The following ECT2L variants were observed in gnomAD, a reference collection of about 807,000 sequenced individuals.
ECT2L encodes epithelial cell transforming 2 like.
In ECT2L, 126 loss-of-function variants were observed where a neutral mutation model predicts 122.8. That is an observed-to-expected ratio of 1.03 (90% CI 0.89 to 1.19). The LOEUF is 1.19. Ranked by LOEUF, ECT2L falls within the 50% of genes most tolerant of loss-of-function variation. The pLI is 0.00. For missense variants in ECT2L, 1,012 were observed against 1,064.1 expected, an observed-to-expected ratio of 0.95 and a Z score of 0.68; for synonymous variants, 385 against 381.8, an observed-to-expected ratio of 1.01 and a Z score of -0.10.
Position 138,902,657 on chromosome 6 carries a change from A to G in ECT2L, c.*30A>G. 3.1e-6 allele frequency: 5 copies of G among 1,611,766 alleles called. No individual in the cohort carries two copies. Among genetic ancestry groups the G allele is most frequent in the Non-Finnish European group, 4.2e-6 (5 of 1,178,980 alleles). ...GAACTTGAAAACTTCAGGGGTGCCA[A>G]TTCTCCCCAGCAAAGACAGACAACA... On this transcript the variant is annotated 3_prime_UTR_variant, in exon 22 of 22. Transcript: ENST00000541398.
At chr6:138,829,732 T>C (rs1776583550) in intron 4 of ECT2L, among the ~76,000 whole-genome samples, 2 of 98,400 alleles carry the variant, frequency 2.0e-5, no homozygotes, top group African/African-American at 7.6e-5. Flanking sequence ...TTTTTTTTCC[T>C]TTTTTTTTGA....
chr6:138,835,879 T>C (rs893317487), intron 4 of ECT2L, among the ~76,000 whole-genome samples: 7 of 152,364 alleles, frequency 4.6e-5, no homozygotes, highest in African/African-American at 1.7e-4. Flanking sequence ...TTAGTTTCCA[T>C]GTCTCTAGAT....
At chr6:138,897,860 C>T (rs1433228275) in intron 20 of ECT2L, among the ~76,000 whole-genome samples, 2 of 152,158 alleles carry the variant, frequency 1.3e-5, no homozygotes, top group Non-Finnish European at 2.9e-5. Context: ...TTTCATTCAC[C>T]TCTAATATCG....
At chr6:138,801,739 AGCGAGACTCT>A (rs1316850118) in intron 1 of ECT2L, among the ~76,000 whole-genome samples, 1 of 152,194 alleles carries the variant, frequency 6.6e-6, no homozygotes, top group Non-Finnish European at 1.5e-5. Flanking sequence ...TGGGTGACAG[AGCGAGACTCT>A]GTCTCAAAAA....
At chr6:138,852,135 C>T (rs1777471043) in intron 9 of ECT2L, among the ~76,000 whole-genome samples, 1 of 152,172 alleles carries the variant, frequency 6.6e-6, no homozygotes, top group South Asian at 2.1e-4. Context: ...AAAAAATTAG[C>T]TGGGCGTGGT....
chr6:138,821,633 G>T (rs1368265310), intron 4 of ECT2L, among the ~76,000 whole-genome samples: 1 of 152,134 alleles, frequency 6.6e-6, no homozygotes, highest in African/African-American at 2.4e-5. Context: ...CCTACATAAG[G>T]GTAAGTAAAT....
chr6:138,849,243 C>A, intron 8 of ECT2L, 26 bp from the exon 9 acceptor site: 1 of 1,576,294 alleles, frequency 6.3e-7, no homozygotes, highest in South Asian at 1.2e-5. Flanking sequence ...GGTCTTGGCT[C>A]TTACAGCTTT....
chr6:138,885,787 C>T lies in ECT2L; in HGVS notation c.2216C>T (p.Thr739Ile). The change falls in exon 18 of 22, where the codon ACT becomes ATT. Residue 739 changes from threonine to isoleucine, a missense_variant. Physicochemically the swap from Thr to Ile is moderately conservative, Grantham distance 89 (BLOSUM62 -1). Coordinates refer to ENST00000541398, the MANE Select transcript of ECT2L (RefSeq NM_001077706.3). The stretch of plus-strand genomic sequence containing the variant: ...CATGTTGACCGTGGGGACTTGACCA[C>T]TGCAATTGACCAAATCAAAAAATAT... ...AEHVDRGDLT[T>I]AIDQIKKYKG... The T allele has an allele frequency of 1.2e-6, 2 of 1,614,198 alleles. No individual in the cohort carries two copies. Among genetic ancestry groups the T allele is most frequent in the Middle Eastern group, 1.7e-4 (1 of 6,060 alleles).
In ECT2L at chr6:138,809,093, G is replaced by A. The variant is rs939144308; in HGVS notation, c.-243-3745G>A. On this transcript the variant is annotated intron_variant, in intron 1 of 21. Transcript: ENST00000541398. ...TTTATCACGTTGGAAAGACCCTCCA[G>A]AACAATGTTAAACAAAGATAGTGGT... 7.8e-4 allele frequency among the ~76,000 whole-genome samples: 118 copies of A among 152,238 alleles called. 1 individual carries two copies. Among genetic ancestry groups the A allele is most frequent in the African/African-American group, 2.7e-3 (114 of 41,540 alleles).
chr6:138,892,357 A>G (rs1339313124), intron 20 of ECT2L, among the ~76,000 whole-genome samples: 1 of 152,106 alleles, frequency 6.6e-6, no homozygotes, highest in African/African-American at 2.4e-5. Context: ...CACGTTGTCT[A>G]CTTTTTCCAT....
At chr6:138,864,623 C>T (rs930210420) in intron 11 of ECT2L, among the ~76,000 whole-genome samples, 1 of 152,168 alleles carries the variant, frequency 6.6e-6, no homozygotes, top group Non-Finnish European at 1.5e-5. Flanking sequence ...GATGGGGAAG[C>T]CGTGTAGCGT....
chr6:138,801,678 C>A (rs894989122), intron 1 of ECT2L, among the ~76,000 whole-genome samples: 1 of 152,066 alleles, frequency 6.6e-6, no homozygotes, highest in Admixed American at 6.6e-5. Flanking sequence ...TTGCTTGAAC[C>A]AGGGAGGTGG....
intron 8 of ECT2L, among the ~76,000 whole-genome samples, chr6:138,847,958 C>T (rs985946565): frequency 6.6e-6 from 1 of 152,158 alleles, no homozygotes; most frequent in Non-Finnish European, 1.5e-5. Flanking sequence ...AGGAAACTTA[C>T]AGTCATGGCA....
chr6:138,826,690 T>C (rs1583562500), intron 4 of ECT2L, among the ~76,000 whole-genome samples: 1 of 151,990 alleles, frequency 6.6e-6, no homozygotes, highest in East Asian at 1.9e-4. Context: ...ACTACACTGA[T>C]TGAGTTTGGA....
At chr6:138,839,472 T>C (rs2128387589) in intron 5 of ECT2L, among the ~76,000 whole-genome samples, 1 of 151,960 alleles carries the variant, frequency 6.6e-6, no homozygotes, top group African/African-American at 2.4e-5. Flanking sequence ...CAAGAGATCC[T>C]CTCACCTCAA....
At chr6:138,822,025 T>C (rs904224907) in intron 4 of ECT2L, among the ~76,000 whole-genome samples, 4 of 152,286 alleles carry the variant, frequency 2.6e-5, no homozygotes, top group African/African-American at 9.6e-5. Context: ...AGAAGATCAG[T>C]CTGTGCTGCT....
At chr6:138,803,193 C>T (rs1775602608) in intron 1 of ECT2L, among the ~76,000 whole-genome samples, 1 of 151,804 alleles carries the variant, frequency 6.6e-6, no homozygotes, top group Admixed American at 6.6e-5. Context: ...AAATTTGAGG[C>T]TGCAGTAACC....
rs758963265 is a variant in ECT2L, at chr6:138,868,172, C to A, written c.1544C>A (p.Ala515Glu). The A allele has an allele frequency of 1.2e-6, 2 of 1,613,646 alleles. No individual in the cohort carries two copies. The highest frequency in any genetic ancestry group is 1.7e-6 in the Non-Finnish European group (2 of 1,179,754). Residue 515 changes from alanine (A) to glutamate (E), a missense_variant, in exon 13 of 22, where the codon GCA becomes GAA. Ala to Glu is a moderately radical substitution (Grantham distance 107). Coordinates refer to ENST00000541398, the MANE Select transcript of ECT2L (RefSeq NM_001077706.3). ...LNNQDTAQALADGLMELSKED... is the reference protein window; with the variant it reads ...LNNQDTAQALEDGLMELSKED... ...AACCAAGATACTGCGCAAGCTCTGGCAGATGGATTGATGGAGTTGTCAAAA... is the reference window on the plus strand; with the variant it reads ...AACCAAGATACTGCGCAAGCTCTGGAAGATGGATTGATGGAGTTGTCAAAA...
intron 16 of ECT2L, among the ~76,000 whole-genome samples, chr6:138,884,309 G>A (rs899297969): frequency 1.1e-4 from 17 of 152,120 alleles, no homozygotes; most frequent in African/African-American, 3.4e-4. Context: ...GTAACTTTAC[G>A]GGTGCTCTAA....
Sources: allele counts gnomAD v4.1 joint callset (sites outside exome capture counted in the v4.1 genomes callset), GRCh38; gene constraint gnomAD v4.1.1; transcripts MANE v1.5; gene names NCBI Gene and HGNC (gene_info 2026-07-23, HGNC 2026-07-21).